The following ZSWIM5 variants were observed in gnomAD, a reference collection of about 807,000 sequenced individuals.
The protein encoded by ZSWIM5 is zinc finger SWIM-type containing 5.
In ZSWIM5, 55 loss-of-function variants were observed where a neutral mutation model predicts 119.6. The ratio of observed to expected loss-of-function variants is 0.46; its 90% CI spans 0.37 to 0.58. The LOEUF (loss-of-function observed/expected upper bound fraction) is 0.58. Ranked by LOEUF, ZSWIM5 falls within the 20% of genes least tolerant of loss-of-function variation. The probability of loss-of-function intolerance (pLI) is 0.00; values close to 1 mark genes in which losing one functional copy is unlikely to be tolerated. For synonymous variants in ZSWIM5, 537 were observed against 606.9 expected, an observed-to-expected ratio of 0.88 and a Z score of 1.69; for missense variants, 1,193 against 1,512.8, an observed-to-expected ratio of 0.79 and a Z score of 3.51.
chr1:45,065,629 T>C (rs186398303), intron 2 of ZSWIM5, among the ~76,000 whole-genome samples: 3 of 152,240 alleles, frequency 2.0e-5, no homozygotes, highest in Admixed American at 1.3e-4. Context: ...GTTTATTTGA[T>C]AGGAGAGAAA....
chr1:45,178,676 TA>T (rs1645995752), intron 1 of ZSWIM5, among the ~76,000 whole-genome samples: 1 of 152,152 alleles, frequency 6.6e-6, no homozygotes, highest in Non-Finnish European at 1.5e-5. Context: ...TTGCATTTTT[TA>T]TCACTGTTAT....
chr1:45,181,244 C>T (rs554788723), intron 1 of ZSWIM5, among the ~76,000 whole-genome samples: 19 of 152,118 alleles, frequency 1.2e-4, no homozygotes, highest in African/African-American at 3.9e-4. Flanking sequence ...CTTAAAGGAG[C>T]TGATGGAGCT....
Position 45,205,972 on chromosome 1 carries a change from C to T in ZSWIM5, c.379G>A (p.Gly127Ser). The change falls in exon 1 of 14, where the codon GGC (glycine) becomes AGC (serine). Residue 127 changes from glycine to serine, a missense_variant. Gly to Ser is a moderately conservative substitution (Grantham distance 56). Around this residue, in one of 2 missense-constraint regions of ZSWIM5, gnomAD observed 232 missense variants for 222.9 expected, o/e 1.04. Coordinates refer to ENST00000359600, the MANE Select transcript of ZSWIM5 (RefSeq NM_020883.2). ...YRGGPGAGAA[G>S]GAAGASPAEE... ...GCCGGCGAAGCCCCCGCGGCGCCGCCAGCAGCGCCGGCGCCGGGGCCGCCC... is the reference window on the plus strand; with the variant it reads ...GCCGGCGAAGCCCCCGCGGCGCCGCTAGCAGCGCCGGCGCCGGGGCCGCCC... 2 of 1,397,594 alleles carry T rather than the reference C, an allele frequency of 1.4e-6. No homozygotes were observed. The highest frequency in any genetic ancestry group is 1.9e-6 in the Non-Finnish European group (2 of 1,073,722). The allele number at this position is 1,397,594 out of a possible 1,614,324, so 86.6% of individuals were successfully genotyped here.
At chr1:45,117,469 G>A (rs1645565323) in intron 1 of ZSWIM5, among the ~76,000 whole-genome samples, 3 of 152,178 alleles carry the variant, frequency 2.0e-5, no homozygotes, top group Admixed American at 2.0e-4. Context: ...GAGCCTAGGA[G>A]TTTGAGACCA....
chr1:45,137,636 A>G (rs922960456), intron 1 of ZSWIM5, among the ~76,000 whole-genome samples: 28 of 152,186 alleles, frequency 1.8e-4, no homozygotes, highest in Admixed American at 1.8e-3. Flanking sequence ...AGCTGAGGCA[A>G]TAGACAATAT....
intron 2 of ZSWIM5, among the ~76,000 whole-genome samples, chr1:45,083,997 C>A (rs1156375673): frequency 2.6e-5 from 4 of 152,150 alleles, no homozygotes; most frequent in Non-Finnish European, 5.9e-5. Flanking sequence ...GCAATCTCTG[C>A]CTCCTGGGCT....
Position 45,060,100 on chromosome 1 carries a change from T to G in ZSWIM5, c.1100A>C (p.Lys367Thr). 1 of 1,614,150 alleles carries G rather than the reference T, an allele frequency of 6.2e-7. No homozygotes were observed. Among genetic ancestry groups the G allele is most frequent in the South Asian group, 1.1e-5 (1 of 91,082 alleles). Residue 367 changes from lysine (K) to threonine (T), a missense_variant and splice_region_variant, in exon 3 of 14, where the codon AAG becomes ACG. Physicochemically the swap from Lys to Thr is moderately conservative, Grantham distance 78. Transcript: ENST00000359600. ...GAAAAACACCTTTTCATATCTTACC[T>G]TGGCAAACATTGAGTTGAGTTGCTT... ...SGKQLNSMFA[K>T]VREMLRMRDS...
intron 1 of ZSWIM5, among the ~76,000 whole-genome samples, chr1:45,102,747 A>T (rs942904323): frequency 1.3e-5 from 2 of 152,220 alleles, no homozygotes; most frequent in Non-Finnish European, 2.9e-5. Context: ...CCAGTAATTA[A>T]ATAATTTTAC....
intron 1 of ZSWIM5, among the ~76,000 whole-genome samples, chr1:45,096,464 G>A (rs142047736): frequency 0.15 from 22,172 of 143,256 alleles, 1,669 homozygotes; most frequent in African/African-American, 0.18. Flanking sequence ...GTGTGTGTGC[G>A]TGTGTGTGCA....
Position 45,088,104 on chromosome 1 carries a change from G to A in ZSWIM5, c.729C>T (p.Phe243=). The change falls in exon 2 of 14, where the codon TTC becomes TTT. Residue 243 remains phenylalanine, a synonymous_variant. Transcript: ENST00000359600. This position sits in a 1 kb window ranked among gnomAD's most constrained non-coding sequence, Gnocchi z 4.2. ...AGAGTGCTACCACATGGGCACAGTA[G>A]AATATGTCCTTGTTCCCACAGCCAC... ...VTCGCGNKDI[F]YCAHVVALSL... 2 of 1,614,176 alleles carry A rather than the reference G, an allele frequency of 1.2e-6. No homozygotes were observed. Among genetic ancestry groups the A allele is most frequent in the Non-Finnish European group, 1.7e-6 (2 of 1,180,024 alleles).
At chr1:45,123,015 A>T (rs993634710) in intron 1 of ZSWIM5, among the ~76,000 whole-genome samples, 1 of 152,174 alleles carries the variant, frequency 6.6e-6, no homozygotes, top group Non-Finnish European at 1.5e-5. Context: ...CATGCAAGGA[A>T]CAGTAATGAA....
At chr1:45,153,023 A>T (rs539039160) in intron 1 of ZSWIM5, among the ~76,000 whole-genome samples, 84 of 151,908 alleles carry the variant, frequency 5.5e-4, no homozygotes, top group East Asian at 7.7e-4. Context: ...ACTAATCATC[A>T]GAGAAATGCA....
At chr1:45,188,760 A>G (rs1239198259) in intron 1 of ZSWIM5, among the ~76,000 whole-genome samples, 1 of 152,200 alleles carries the variant, frequency 6.6e-6, no homozygotes, top group African/African-American at 2.4e-5. Context: ...TAAAAACAAA[A>G]CAAACAAAAA....
chr1:45,036,279 G>A lies in ZSWIM5; in HGVS notation c.1915C>T (p.Pro639Ser), dbSNP rs201379465. ...GCCACAGGTACATGCTGGTACACAGGGGGTCTGCTTTCATTCATATCTGAG... is the reference window on the plus strand; with the variant it reads ...GCCACAGGTACATGCTGGTACACAGAGGGTCTGCTTTCATTCATATCTGAG... ...EMSDMNESRP[P>S]VYQHVPVAAG... Residue 639 changes from proline (P) to serine (S), a missense_variant, in exon 9 of 14, where the codon CCT becomes TCT. Transcript: ENST00000359600. 161 of 1,613,452 alleles carry A rather than the reference G, an allele frequency of 1.0e-4. No homozygotes were observed. The highest frequency in any genetic ancestry group is 6.9e-4 in the Middle Eastern group (4 of 5,804).
At chr1:45,061,821 T>C (rs1645153561) in intron 2 of ZSWIM5, among the ~76,000 whole-genome samples, 1 of 150,864 alleles carries the variant, frequency 6.6e-6, no homozygotes, top group African/African-American at 2.4e-5. Flanking sequence ...TTGGGTGCAG[T>C]GGCTCATGCC....
intron 1 of ZSWIM5, among the ~76,000 whole-genome samples, chr1:45,203,949 C>T (rs939771758): frequency 4.6e-5 from 7 of 152,032 alleles, no homozygotes; most frequent in African/African-American, 1.7e-4. Context: ...TCAAGTCAAT[C>T]AGAAAACATG....
At chr1:45,129,163 T>G (rs1257530540) in intron 1 of ZSWIM5, among the ~76,000 whole-genome samples, 1 of 143,750 alleles carries the variant, frequency 7.0e-6, no homozygotes, top group African/African-American at 2.6e-5. Context: ...GTTTTTTTTT[T>G]TTTTTTTTTT....
rs1557737816 is a variant in ZSWIM5 at position 45,020,153 on chromosome 1, C to T, written c.2614-6G>A. The stretch of plus-strand genomic sequence containing the variant: ...GATAAGGTCATCCGCATCACCTGGG[C>T]ACAAAAGAGGCCTTTCCAGTGGGCT... On this transcript the variant is annotated splice_region_variant and splice_polypyrimidine_tract_variant and intron_variant, in intron 12 of 13. Coordinates refer to ENST00000359600, the MANE Select transcript of ZSWIM5 (RefSeq NM_020883.2). 3 of 1,614,024 alleles carry T rather than the reference C, an allele frequency of 1.9e-6. No individual in the cohort carries two copies. Among genetic ancestry groups the T allele is most frequent in the Non-Finnish European group, 2.5e-6 (3 of 1,179,898 alleles).
At chr1:45,127,766 G>A (rs1481684469) in intron 1 of ZSWIM5, among the ~76,000 whole-genome samples, 3 of 152,086 alleles carry the variant, frequency 2.0e-5, no homozygotes, top group Non-Finnish European at 4.4e-5. Flanking sequence ...GAATCAGTGA[G>A]TTCAGTCAGG....
Sources: gnomAD v4.1 joint callset for allele counts (sites outside exome capture counted in the v4.1 genomes callset) on GRCh38, gnomAD v4.1.1 for gene constraint, gnomAD v4.1.1 regional missense constraint, Gnocchi (gnomAD v3.1) non-coding constraint, MANE v1.5 for transcripts, NCBI Gene and HGNC (gene_info 2026-07-23, HGNC 2026-07-21) for gene names.